DSCAM: variants seen among roughly 807,000 people sequenced by gnomAD.
DSCAM encodes DS cell adhesion molecule, also known as cell adhesion molecule DSCAM.
DSCAM carries 47 observed loss-of-function variants against 217.7 expected under a neutral mutation model. The ratio of observed to expected loss-of-function variants is 0.22; its 90% CI spans 0.17 to 0.28. The LOEUF (loss-of-function observed/expected upper bound fraction) is 0.28, where lower values mean the gene tolerates loss of function less well. DSCAM is among the 10% of genes least tolerant of loss of function. The pLI is 1.00. For missense variants in DSCAM, 2,080 were observed against 2,618.3 expected, an observed-to-expected ratio of 0.79 and a Z score of 4.49; for synonymous variants, 1,056 against 1,015.3, an observed-to-expected ratio of 1.04 and a Z score of -0.76.
chr21:40,324,632 A>AATAT (rs2074298502), intron 8 of DSCAM, among the ~76,000 whole-genome samples: 1 of 152,192 alleles, frequency 6.6e-6, no homozygotes, highest in Non-Finnish European at 1.5e-5. Flanking sequence ...GAACTTAAAA[A>AATAT]CTTATGATAA....
chr21:40,547,336 A>G (rs529415884), intron 3 of DSCAM, among the ~76,000 whole-genome samples: 1 of 152,278 alleles, frequency 6.6e-6, no homozygotes, highest in Non-Finnish European at 1.5e-5. Context: ...GTGGCTTATA[A>G]TCAAATCAGC....
At chr21:40,362,232 T>C (rs2074775040) in intron 4 of DSCAM, among the ~76,000 whole-genome samples, 1 of 152,140 alleles carries the variant, frequency 6.6e-6, no homozygotes, top group African/African-American at 2.4e-5. Flanking sequence ...GCAATAAACA[T>C]ACGTGTGCAT....
At chr21:40,113,696 T>G (rs1279236274) in intron 20 of DSCAM, among the ~76,000 whole-genome samples, 3 of 152,192 alleles carry the variant, frequency 2.0e-5, no homozygotes, top group East Asian at 3.9e-4. Context: ...CTTAAGCTGA[T>G]AAGCAATTTC....
intron 32 of DSCAM, among the ~76,000 whole-genome samples, chr21:40,022,667 G>C (rs1257138916): frequency 6.6e-6 from 1 of 152,144 alleles, no homozygotes; most frequent in Non-Finnish European, 1.5e-5. Flanking sequence ...CAGAGTGCAG[G>C]GCTTGGTGTT....
chr21:40,512,795 C>T (rs2076270321), intron 3 of DSCAM, among the ~76,000 whole-genome samples: 1 of 152,110 alleles, frequency 6.6e-6, no homozygotes, highest in African/African-American at 2.4e-5. Context: ...AACGGCACAA[C>T]TGCGTCCCTA....
chr21:40,350,876 A>C (rs1268596406), intron 5 of DSCAM, among the ~76,000 whole-genome samples: 1 of 59,036 alleles, frequency 1.7e-5, no homozygotes, highest in Non-Finnish European at 3.5e-5. Flanking sequence ...AATAAGTCAT[A>C]CTTTTTTTTT....
intron 3 of DSCAM, among the ~76,000 whole-genome samples, chr21:40,489,802 T>G (rs868467606): frequency 4.7e-3 from 312 of 66,974 alleles, no homozygotes; most frequent in African/African-American, 0.016. Flanking sequence ...AAAAAAAAAA[T>G]AAGTACCATT....
Position 40,093,770 on chromosome 21 carries a change from G to A in DSCAM, c.3801C>T (p.Ala1267=), listed in dbSNP as rs368901453. 1.3e-5 allele frequency: 21 copies of A among 1,613,610 alleles called. No homozygotes were observed. Among genetic ancestry groups the A allele is most frequent in the East Asian group, 8.9e-5 (4 of 44,862 alleles). ...YSVWVVAVTS[A]GRGNSSEIIT... is the part of the protein sequence containing the mutation. ...TGATTTCACTGCTGTTGCCTCTTCC[G>A]GCTGAAGTAACAGCCACCACCCAGA... is the stretch of plus-strand genomic sequence containing the variant. Residue 1267 remains alanine, a synonymous_variant, in exon 21 of 33, where the codon GCC becomes GCT. Transcript: ENST00000400454.
chr21:40,361,206 T>C (rs533868397), intron 4 of DSCAM, among the ~76,000 whole-genome samples: 56 of 152,172 alleles, frequency 3.7e-4, no homozygotes, highest in African/African-American at 1.2e-3. Flanking sequence ...ACAAAAATAA[T>C]ATGACGCATC....
At chr21:40,748,343 C>A (rs546975411) in intron 1 of DSCAM, among the ~76,000 whole-genome samples, 3 of 148,702 alleles carry the variant, frequency 2.0e-5, no homozygotes, top group East Asian at 2.0e-4. Flanking sequence ...AAGACTCCAT[C>A]AAAAAAAAAA....
intron 3 of DSCAM, among the ~76,000 whole-genome samples, chr21:40,470,951 T>C (rs774210739): frequency 5.9e-5 from 9 of 152,228 alleles, no homozygotes; most frequent in Non-Finnish European, 1.2e-4. Context: ...TTACAAATTA[T>C]TTTTGTCTAG....
chr21:40,036,784 C>T (rs559465954), intron 32 of DSCAM, among the ~76,000 whole-genome samples: 24,705 of 144,076 alleles, frequency 0.17, 2,711 homozygotes, highest in Non-Finnish European at 0.22. Context: ...ACTGGCAGAC[C>T]GAATCCAGCA....
intron 32 of DSCAM, among the ~76,000 whole-genome samples, chr21:40,026,351 G>T (rs2088382928): frequency 7.0e-6 from 1 of 142,882 alleles, no homozygotes. Context: ...GTATTCTGTT[G>T]ATTTGGGGTG....
intron 3 of DSCAM, among the ~76,000 whole-genome samples, chr21:40,516,974 AT>A (rs1442673185): frequency 6.8e-6 from 1 of 147,768 alleles, no homozygotes; most frequent in East Asian, 2.0e-4. Context: ...AAATATACAT[AT>A]ATTATATATA....
chr21:40,648,283 T>A (rs2410261), intron 3 of DSCAM, among the ~76,000 whole-genome samples: 51,382 of 129,782 alleles, frequency 0.4, 9,842 homozygotes, highest in Admixed American at 0.53. Context: ...ACACACACAC[T>A]CACACACTGC....
rs188303780 is a variant in DSCAM, at chr21:40,134,030, A to C, written c.3407-21T>G. On this transcript the variant is annotated intron_variant, in intron 18 of 32. Coordinates refer to ENST00000400454, the MANE Select transcript of DSCAM (RefSeq NM_001389.5). The stretch of plus-strand genomic sequence containing the variant: ...CAGCTCTGGAGGACAAGAACAAGAA[A>C]ACAAAATCCCACTTCTGAGCCCATT... The C allele has an allele frequency of 1.1e-4, 172 of 1,597,458 alleles. 1 individual carries two copies. The Admixed American group carries it at 2.9e-3, about 27-fold the overall frequency.
chr21:40,120,511 A>C (rs996735510), intron 20 of DSCAM, among the ~76,000 whole-genome samples: 1 of 152,188 alleles, frequency 6.6e-6, no homozygotes, highest in Non-Finnish European at 1.5e-5. Flanking sequence ...GGACCTTAAA[A>C]GGGTTATCTC....
intron 20 of DSCAM, among the ~76,000 whole-genome samples, chr21:40,120,994 T>G (rs1028649708): frequency 2.6e-5 from 4 of 152,194 alleles, no homozygotes; most frequent in Non-Finnish European, 4.4e-5. Flanking sequence ...GAGGGACTCT[T>G]ATAAAAGGGA....
chr21:40,581,242 GTT>G lies in DSCAM; in HGVS notation c.508+111566_508+111567del, dbSNP rs575398783. On this transcript the variant is annotated intron_variant, in intron 3 of 32. Transcript: ENST00000400454. ...CCTCAAGGAGGTGGCGGGAAACCTA[GTT>G]TTAGTCCCCACCCTCAGGACTGAGA... 1.2e-3 allele frequency among the ~76,000 whole-genome samples: 183 copies of G among 152,296 alleles called. 1 individual carries two copies. The highest frequency in any genetic ancestry group is 2.2e-3 in the Non-Finnish European group (151 of 68,028).
Sources: allele counts gnomAD v4.1 joint callset (sites outside exome capture counted in the v4.1 genomes callset), GRCh38; gene constraint gnomAD v4.1.1; transcripts MANE v1.5; gene names NCBI Gene and HGNC (gene_info 2026-07-23, HGNC 2026-07-21).